The following NR2E1 variants were observed in gnomAD, a reference collection of about 807,000 sequenced individuals.
NR2E1 encodes nuclear receptor subfamily 2 group E member 1.
In NR2E1, 5 loss-of-function variants were observed where a neutral mutation model predicts 43.6. The ratio of observed to expected loss-of-function variants is 0.11; its 90% CI spans 0.06 to 0.24. The LOEUF is 0.24. Among genes scored for constraint, NR2E1 ranks in the 10% least tolerant of loss-of-function variants. The pLI is 1.00. For synonymous variants in NR2E1, 191 were observed against 195.5 expected, an observed-to-expected ratio of 0.98 and a Z score of 0.19; for missense variants, 287 against 496.7, an observed-to-expected ratio of 0.58 and a Z score of 4.01.
At chr6:108,182,645 G>A (rs1166482258) in intron 8 of NR2E1, among the ~76,000 whole-genome samples, 4 of 145,466 alleles carry the variant, frequency 2.7e-5, no homozygotes, top group Admixed American at 7.2e-5. Flanking sequence ...TGCAACCTTC[G>A]CCTTCCGGGT....
Position 108,175,018 on chromosome 6 carries a change from C to T in NR2E1, c.259+95C>T, listed in dbSNP as rs188821257. The T allele has an allele frequency of 2.2e-5, 26 of 1,166,436 alleles. No individual in the cohort carries two copies. The African/African-American group carries it at 3.3e-4, about 15-fold the overall frequency. The allele number at this position is 1,166,436 out of a possible 1,614,324, so 72.3% of individuals were successfully genotyped here. A position where few individuals can be genotyped will look rare whatever the true frequency, so the allele number is the denominator to read the frequency against. ...GGCACTCCTATGCATGTAAATCAACCCCGGAGCGCTTCTTTCCAGATGCTG... is the reference window on the plus strand; with the variant it reads ...GGCACTCCTATGCATGTAAATCAACTCCGGAGCGCTTCTTTCCAGATGCTG... On this transcript the variant is annotated intron_variant, in intron 3 of 8. Transcript: ENST00000368986.
At chr6:108,174,768 CG>C in intron 2 of NR2E1, 67 bp from the exon 3 acceptor site, 5 of 1,386,984 alleles carry the variant, frequency 3.6e-6, no homozygotes, top group Non-Finnish European at 5.1e-6. Flanking sequence ...TTTCCCCGCC[CG>C]GGTGCCGGCT....
chr6:108,167,944 T>G, intron 1 of NR2E1: 6 of 1,434,510 alleles, frequency 4.2e-6, no homozygotes, highest in Non-Finnish European at 5.6e-6. Context: ...AAGAAGGAGG[T>G]TGTGTTTTCA....
Position 108,176,629 on chromosome 6 carries a change from CCTT to C in NR2E1, c.391_393del (p.Phe131del), listed in dbSNP as rs1562404537. ...CCCTCGGCGGCGCTCCCTGCGCCGG[CCTT>C]CTTCACCGCGGTCACGCAGCTGGAG... On this transcript the variant is annotated inframe_deletion, in exon 4 of 9. Coordinates refer to ENST00000368986, the MANE Select transcript of NR2E1 (RefSeq NM_003269.5). 6.2e-7 allele frequency: 1 copy of C among 1,610,778 alleles called. No homozygotes were observed. Among genetic ancestry groups the C allele is most frequent in the Non-Finnish European group, 8.5e-7 (1 of 1,179,468 alleles).
chr6:108,180,677 G>T lies in NR2E1; in HGVS notation c.740-130G>T. On this transcript the variant is annotated intron_variant, in intron 6 of 8. Transcript: ENST00000368986. This position sits in a 1 kb window ranked among gnomAD's most constrained non-coding sequence, Gnocchi z 5.4. ...TATTAACTTTCATACAATATAGCCG[G>T]TTTACATGGAATCAGATATCTTAGA... 1.1e-6 allele frequency: 1 copy of T among 904,866 alleles called. No individual in the cohort carries two copies. 56.1% of individuals were successfully genotyped at this position (904,866 alleles called of 1,614,324 possible). A position where few individuals can be genotyped will look rare whatever the true frequency, so the allele number is the denominator to read the frequency against.
At chr6:108,170,510 C>T (rs1773793258) in intron 1 of NR2E1, among the ~76,000 whole-genome samples, 1 of 150,586 alleles carries the variant, frequency 6.6e-6, no homozygotes, top group Non-Finnish European at 1.5e-5. Context: ...GTGGCCACCC[C>T]AGGCTTGAGG....
intron 2 of NR2E1, among the ~76,000 whole-genome samples, chr6:108,172,619 A>T (rs1237621641): frequency 6.6e-6 from 1 of 152,232 alleles, no homozygotes; most frequent in East Asian, 1.9e-4. Context: ...TGCATTAGTC[A>T]GCAGTCATCC....
intron 2 of NR2E1, among the ~76,000 whole-genome samples, chr6:108,173,280 G>A (rs1291121790): frequency 6.6e-6 from 1 of 152,108 alleles, no homozygotes; most frequent in Non-Finnish European, 1.5e-5. Flanking sequence ...ATACTTATAA[G>A]AATACTGGAA....
intron 3 of NR2E1, among the ~76,000 whole-genome samples, chr6:108,175,600 T>C (rs1357840295): frequency 1.3e-5 from 2 of 152,234 alleles, no homozygotes; most frequent in African/African-American, 4.8e-5. Context: ...TTCCTGGGCC[T>C]GGAGCACGGT....
At position 108,166,696 on chromosome 6, in the gene NR2E1, C is replaced by G. The variant is rs1241958278; in HGVS notation, c.-70C>G. ...GCAGCTGGAGAGCGGCGGCGCCCGG[C>G]GGCGAGGCGGGCGCTGCCGGCCGGG... On this transcript the variant is annotated 5_prime_UTR_variant, in exon 1 of 9. Transcript: ENST00000368986. This position sits in a 1 kb window ranked among gnomAD's most constrained non-coding sequence, Gnocchi z 7.2. The G allele has an allele frequency of 1.0e-5, 14 of 1,365,570 alleles. No homozygotes were observed. Among genetic ancestry groups the G allele is most frequent in the Non-Finnish European group, 1.4e-5 (14 of 1,036,052 alleles). 84.6% of individuals were successfully genotyped at this position (1,365,570 alleles called of 1,614,324 possible).
intron 1 of NR2E1, among the ~76,000 whole-genome samples, chr6:108,167,711 C>G (rs569973927): frequency 6.6e-6 from 1 of 152,096 alleles, no homozygotes; most frequent in African/African-American, 2.4e-5. Flanking sequence ...TGGGGACTAC[C>G]GTTGCCGCCG....
Position 108,169,808 on chromosome 6 carries a change from C to G in NR2E1, c.26-1650C>G, listed in dbSNP as rs1773774973. On this transcript the variant is annotated intron_variant, in intron 1 of 8. Transcript: ENST00000368986. The surrounding 1 kb of genome is among the most constrained non-coding windows in gnomAD (Gnocchi z 6.1). ...AGGGGGGCGCCGAGCCGGTGGCCGCCGCGCCGCGCGCCTCCCCTGCCCGCC... is the reference window on the plus strand; with the variant it reads ...AGGGGGGCGCCGAGCCGGTGGCCGCGGCGCCGCGCGCCTCCCCTGCCCGCC... Among the ~76,000 whole-genome samples, 1 of 152,114 alleles carries G rather than the reference C, an allele frequency of 6.6e-6. No homozygotes were observed. Among genetic ancestry groups the G allele is most frequent in the African/African-American group, 2.4e-5 (1 of 41,440 alleles).
At chr6:108,175,055 C>T (rs1005810315) in intron 3 of NR2E1, 132 bp downstream of exon 3, 2 of 840,414 alleles carry the variant, frequency 2.4e-6, no homozygotes, top group Non-Finnish European at 3.9e-6. Flanking sequence ...GAATTGGCCT[C>T]GGGCTTTCAG....
chr6:108,178,203 A>G lies in NR2E1; in HGVS notation c.604A>G (p.Ser202Gly), dbSNP rs144453869. ...LLFMSIKWAKSVPAFSTLSLQ... is the reference protein window; with the variant it reads ...LLFMSIKWAKGVPAFSTLSLQ... ...CTTCATGAGCATCAAGTGGGCTAAG[A>G]GTGTGCCAGCCTTCTCCACGCTGTC... is the stretch of plus-strand genomic sequence containing the variant. Residue 202 changes from serine (S) to glycine (G), a missense_variant, in exon 5 of 9, where the codon AGT (serine) becomes GGT (glycine). By Grantham distance (56) the Ser-to-Gly change is moderately conservative (BLOSUM62 0). Transcript: ENST00000368986. 18 of 1,614,032 alleles carry G rather than the reference A, an allele frequency of 1.1e-5. No individual in the cohort carries two copies. The African/African-American group carries it at 2.1e-4, about 19-fold the overall frequency.
rs281865509 is a variant in NR2E1 at position 108,180,887 on chromosome 6, C to G, written c.820C>G (p.Arg274Gly). The G allele has an allele frequency of 6.2e-7, 1 of 1,614,038 alleles. No individual in the cohort carries two copies. Residue 274 changes from arginine (R) to glycine (G), a missense_variant, in exon 7 of 9, where the codon CGA becomes GGA. By Grantham distance (125) the Arg-to-Gly change is moderately radical. Coordinates refer to ENST00000368986, the MANE Select transcript of NR2E1 (RefSeq NM_003269.5). This position sits in a 1 kb window ranked among gnomAD's most constrained non-coding sequence, Gnocchi z 5.4. Reference protein sequence around the residue: ...EIQALQEVVARFRQLRLDATE... With the variant: ...EIQALQEVVAGFRQLRLDATE... Reference sequence around the variant, plus strand: ...ACAGGCTTTACAAGAGGTGGTGGCTCGATTTAGACAACTCCGGTTAGATGC... The same window carrying G: ...ACAGGCTTTACAAGAGGTGGTGGCTGGATTTAGACAACTCCGGTTAGATGC...
At chr6:108,172,030 C>T (rs1349207892) in intron 2 of NR2E1, among the ~76,000 whole-genome samples, 1 of 152,182 alleles carries the variant, frequency 6.6e-6, no homozygotes, top group East Asian at 1.9e-4. Flanking sequence ...CAAGCTCAGT[C>T]CCCTGATCAC....
Position 108,180,323 on chromosome 6 carries a change from C to A in NR2E1, c.643C>A (p.Leu215Met), listed in dbSNP as rs1562405773. 1 of 1,594,142 alleles carries A rather than the reference C, an allele frequency of 6.3e-7. No individual in the cohort carries two copies. The highest frequency in any genetic ancestry group is 1.3e-5 in the African/African-American group (1 of 74,574). ...AFSTLSLQDQLMLLEDAWREL... is the reference protein window; with the variant it reads ...AFSTLSLQDQMMLLEDAWREL... ...ATATTATACATCTATTGTATGACAGCTGATGCTTTTGGAAGATGCTTGGAG... is the reference window on the plus strand; with the variant it reads ...ATATTATACATCTATTGTATGACAGATGATGCTTTTGGAAGATGCTTGGAG... The change falls in exon 6 of 9, where the codon CTG becomes ATG. Residue 215 changes from leucine to methionine, a missense_variant and splice_region_variant. Around this residue, in one of 4 missense-constraint regions of NR2E1, gnomAD observed 119 missense variants for 155.7 expected, o/e 0.76. Coordinates refer to ENST00000368986, the MANE Select transcript of NR2E1 (RefSeq NM_003269.5). The surrounding 1 kb of genome is among the most constrained non-coding windows in gnomAD (Gnocchi z 5.4).
intron 1 of NR2E1, 43 bp from the exon 2 acceptor site, chr6:108,171,415 C>A: frequency 6.2e-7 from 1 of 1,610,954 alleles, no homozygotes; most frequent in Non-Finnish European, 8.5e-7. Context: ...CCTCCTTTCC[C>A]TCTCGCCCCT....
At position 108,166,807 on chromosome 6, in the gene NR2E1, C is replaced by A; in HGVS notation, c.25+17C>A. 6.3e-7 allele frequency: 1 copy of A among 1,589,904 alleles called. No homozygotes were observed. On this transcript the variant is annotated intron_variant, in intron 1 of 8. Transcript: ENST00000368986. The surrounding 1 kb of genome is among the most constrained non-coding windows in gnomAD (Gnocchi z 7.2). ...GATCAACAAGTGGGTACCTCTCGGGCCGCCGTGGGGCCTAGGCGCGCAGCC... is the reference window on the plus strand; with the variant it reads ...GATCAACAAGTGGGTACCTCTCGGGACGCCGTGGGGCCTAGGCGCGCAGCC...
Sources: gnomAD v4.1 joint callset for allele counts (sites outside exome capture counted in the v4.1 genomes callset) on GRCh38, gnomAD v4.1.1 for gene constraint, gnomAD v4.1.1 regional missense constraint, Gnocchi (gnomAD v3.1) non-coding constraint, MANE v1.5 for transcripts, NCBI Gene and HGNC (gene_info 2026-07-23, HGNC 2026-07-21) for gene names.